The following ZBTB24 variants were observed in gnomAD, a reference collection of about 807,000 sequenced individuals.
The protein encoded by ZBTB24 is zinc finger and BTB domain-containing protein 24.
In ZBTB24, 32 loss-of-function variants were observed where a neutral mutation model predicts 53.8. The observed-to-expected ratio is 0.60, with a 90% CI of 0.45 to 0.80. The LOEUF is 0.80. Ranked by LOEUF, ZBTB24 falls within the 30% of genes least tolerant of loss-of-function variation. The pLI is 0.00. For missense variants in ZBTB24, 722 were observed against 837.1 expected (o/e 0.86, Z 1.70); for synonymous variants, 297 against 306.7 (o/e 0.97, Z 0.33).
In ZBTB24 at chr6:109,463,559, T is replaced by C. The variant is rs1775956479; in HGVS notation, c.*2292A>G. 1 of 152,160 alleles carries C rather than the reference T, an allele frequency of 6.6e-6. No homozygotes were observed. Among genetic ancestry groups the C allele is most frequent in the South Asian group, 2.1e-4 (1 of 4,836 alleles). 9.4% of individuals were successfully genotyped at this position (152,160 alleles called of 1,614,324 possible). A position where few individuals can be genotyped will look rare whatever the true frequency, so the allele number is the denominator to read the frequency against. On this transcript the variant is annotated 3_prime_UTR_variant, in exon 7 of 7. Coordinates refer to ENST00000230122, the MANE Select transcript of ZBTB24 (RefSeq NM_014797.3). ...AATTTAATATAAATTTTTAAACTGA[T>C]ACTTATTTCAATTCTTGAAAAAAAC... is the stretch of plus-strand genomic sequence containing the variant.
intron 1 of ZBTB24, among the ~76,000 whole-genome samples, chr6:109,482,823 G>C (rs1044952451): frequency 8.5e-5 from 13 of 152,236 alleles, no homozygotes; most frequent in Non-Finnish European, 1.9e-4. Context: ...CCAATGTGAA[G>C]AGTGAAGAAA....
At position 109,465,731 on chromosome 6, in the gene ZBTB24, C is replaced by A; in HGVS notation, c.*120G>T. ...CATTATAAACATCAGTTAGCCATCA[C>A]AGCTCTCACAGAAGCATCTGCAAGT... On this transcript the variant is annotated 3_prime_UTR_variant, in exon 7 of 7. Transcript: ENST00000230122. 6.2e-7 allele frequency: 1 copy of A among 1,610,200 alleles called. No homozygotes were observed. Among genetic ancestry groups the A allele is most frequent in the Non-Finnish European group, 8.5e-7 (1 of 1,179,764 alleles).
In ZBTB24 at chr6:109,464,579, G is replaced by A. The variant is rs144040163; in HGVS notation, c.*1272C>T. 26 of 152,284 alleles carry A rather than the reference G, an allele frequency of 1.7e-4. No homozygotes were observed. The highest frequency in any genetic ancestry group is 5.8e-4 in the African/African-American group (24 of 41,562). 9.4% of individuals were successfully genotyped at this position (152,284 alleles called of 1,614,324 possible). ...AAACATAATTTAATCTTTTGATGAT[G>A]ATTTAAAAATCATACAATTACAGAC... is the stretch of plus-strand genomic sequence containing the variant. On this transcript the variant is annotated 3_prime_UTR_variant, in exon 7 of 7. Coordinates refer to ENST00000230122, the MANE Select transcript of ZBTB24 (RefSeq NM_014797.3).
intron 5 of ZBTB24, among the ~76,000 whole-genome samples, chr6:109,475,042 T>TA (rs1776251520): frequency 3.3e-5 from 4 of 122,220 alleles, no homozygotes; most frequent in African/African-American, 9.6e-5. Flanking sequence ...GCCCTTATCT[T>TA]TAAAAAAAAA....
At chr6:109,470,659 C>T (rs1050213771) in intron 5 of ZBTB24, among the ~76,000 whole-genome samples, 2 of 152,218 alleles carry the variant, frequency 1.3e-5, no homozygotes, top group African/African-American at 4.8e-5. Flanking sequence ...GTGTGGACCC[C>T]TCAGCATCCT....
chr6:109,481,883 G>T lies in ZBTB24; in HGVS notation c.144C>A (p.Phe48Leu). The T allele has an allele frequency of 1.9e-6, 3 of 1,614,156 alleles. No homozygotes were observed. Among genetic ancestry groups the T allele is most frequent in the Non-Finnish European group, 2.5e-6 (3 of 1,180,026 alleles). The change falls in exon 2 of 7, where the codon TTC (phenylalanine) becomes TTA (leucine). Residue 48 changes from phenylalanine to leucine, a missense_variant. Physicochemically the swap from Phe to Leu is conservative, Grantham distance 22. Coordinates refer to ENST00000230122, the MANE Select transcript of ZBTB24 (RefSeq NM_014797.3). ...DITLIVENVH[F>L]RAHKALLAAS... ...CAGCAAGTAAGGCTTTGTGGGCCCG[G>T]AAATGTACATTCTCCACGATTAAAG...
At chr6:109,479,295 A>G (rs1340538737) in intron 2 of ZBTB24, among the ~76,000 whole-genome samples, 1 of 152,214 alleles carries the variant, frequency 6.6e-6, no homozygotes, top group Non-Finnish European at 1.5e-5. Flanking sequence ...CATACTGAAA[A>G]TATCATAAGG....
chr6:109,480,817 C>T lies in ZBTB24; in HGVS notation c.952+258G>A, dbSNP rs1776388919. 17 of 521,170 alleles carry T rather than the reference C, an allele frequency of 3.3e-5. No homozygotes were observed. The Admixed American group carries it at 8.9e-4, about 27-fold the overall frequency. 32.3% of individuals were successfully genotyped at this position (521,170 alleles called of 1,614,324 possible). A position where few individuals can be genotyped will look rare whatever the true frequency, so the allele number is the denominator to read the frequency against. On this transcript the variant is annotated intron_variant, in intron 2 of 6. Coordinates refer to ENST00000230122, the MANE Select transcript of ZBTB24 (RefSeq NM_014797.3). ...GGCAAGTTATTTAAGCTCCCTAGAA[C>T]TTGGTTGCTTCATCTGTAAACTATG...
Position 109,481,960 on chromosome 6 carries a change from C to T in ZBTB24, c.67G>A (p.Val23Met), listed in dbSNP as rs776815983. Residue 23 changes from valine (V) to methionine (M), a missense_variant, in exon 2 of 7, where the codon GTG becomes ATG. Coordinates refer to ENST00000230122, the MANE Select transcript of ZBTB24 (RefSeq NM_014797.3). ...VVHSDAHSDTVLASFEDQRKK... is the reference protein window; with the variant it reads ...VVHSDAHSDTMLASFEDQRKK... ...CTCTGATCCTCAAAACTGGCCAGCA[C>T]AGTGTCACTGTGAGCGTCTGAGTGT... The T allele has an allele frequency of 1.2e-6, 2 of 1,614,242 alleles. No individual in the cohort carries two copies. The highest frequency in any genetic ancestry group is 1.7e-6 in the Non-Finnish European group (2 of 1,180,042).
chr6:109,476,923 T>C lies in ZBTB24; in HGVS notation c.960A>G (p.Arg320=). Residue 320 remains arginine (R), a synonymous_variant, in exon 3 of 7, where the codon CGA becomes CGG. Coordinates refer to ENST00000230122, the MANE Select transcript of ZBTB24 (RefSeq NM_014797.3). The part of the protein sequence containing the change: ...AIHQRSHTGE[R]PFKCNECGKG... ...TTCCACACTCATTACATTTGAAAGG[T>C]CGCTCCCCTGGAAGAAGAGCCCCAG... 6.2e-7 allele frequency: 1 copy of C among 1,613,952 alleles called. No individual in the cohort carries two copies. Among genetic ancestry groups the C allele is most frequent in the Non-Finnish European group, 8.5e-7 (1 of 1,180,004 alleles).
At position 109,465,976 on chromosome 6, in the gene ZBTB24, CCT is replaced by C. The variant is rs1474875967; in HGVS notation, c.1967_1968del (p.Glu656GlyfsTer48). On this transcript the variant is annotated frameshift_variant, in exon 7 of 7. Transcript: ENST00000230122. LOFTEE classifies it low-confidence loss of function (END_TRUNC). ...EHLHAHQEQT[E>X]ELHLATSTSD... ...GAAGTACTTGTAGCTAAATGGAGCT[CCT>C]CTGTTTGCTCTTGATGGGCATGAAG... 2.5e-6 allele frequency: 4 copies of C among 1,614,156 alleles called. No homozygotes were observed. The highest frequency in any genetic ancestry group is 3.4e-6 in the Non-Finnish European group (4 of 1,180,046).
intron 1 of ZBTB24, among the ~76,000 whole-genome samples, 180 bp downstream of exon 1, chr6:109,482,918 C>G (rs1387298713): frequency 6.6e-6 from 1 of 152,230 alleles, no homozygotes; most frequent in African/African-American, 2.4e-5. Context: ...ACACTAGGGG[C>G]GGCGCGGAGC....
Position 109,463,909 on chromosome 6 carries a change from G to C in ZBTB24, c.*1942C>G, listed in dbSNP as rs550766194. 3 of 152,286 alleles carry C rather than the reference G, an allele frequency of 2.0e-5. No homozygotes were observed. The highest frequency in any genetic ancestry group is 4.1e-4 in the South Asian group (2 of 4,826). The allele number at this position is 152,286 out of a possible 1,614,324, so 9.4% of individuals were successfully genotyped here. ...TGTTGTTCATGTTATAGTTCTCTTA[G>C]TGTAGAGGTAGACTGTTATAGAGCC... is the stretch of plus-strand genomic sequence containing the variant. On this transcript the variant is annotated 3_prime_UTR_variant, in exon 7 of 7. Coordinates refer to ENST00000230122, the MANE Select transcript of ZBTB24 (RefSeq NM_014797.3).
At chr6:109,467,142 T>C (rs968897318) in intron 6 of ZBTB24, among the ~76,000 whole-genome samples, 3 of 152,254 alleles carry the variant, frequency 2.0e-5, no homozygotes, top group East Asian at 3.8e-4. Context: ...AATCAAAATT[T>C]AATAAATGAA....
rs1776288924 is a variant in ZBTB24, at chr6:109,476,881, C to T, written c.1002G>A (p.Lys334=). The T allele has an allele frequency of 6.2e-7, 1 of 1,614,026 alleles. No homozygotes were observed. Among genetic ancestry groups the T allele is most frequent in the African/African-American group, 1.3e-5 (1 of 74,930 alleles). The part of the protein sequence containing the change: ...CNECGKGFAQ[K]HSLQVHTRMH... ...TCCTGGTGTGGACCTGTAGCGAGTG[C>T]TTCTGGGCAAAGCCTTTTCCACACT... Residue 334 remains lysine (K), a synonymous_variant, in exon 3 of 7, where the codon AAG becomes AAA. Transcript: ENST00000230122.
intron 3 of ZBTB24, 125 bp downstream of exon 3, chr6:109,476,638 C>T (rs1776283349): frequency 4.4e-6 from 6 of 1,355,436 alleles, no homozygotes; most frequent in Non-Finnish European, 6.1e-6. Context: ...ATGCAAAATC[C>T]TGTCTTTCAA....
At chr6:109,466,842 T>C (rs1393674122) in intron 6 of ZBTB24, among the ~76,000 whole-genome samples, 1 of 152,164 alleles carries the variant, frequency 6.6e-6, no homozygotes, top group Non-Finnish European at 1.5e-5. Context: ...CCACAGTATG[T>C]ATTTCAGATA....
At chr6:109,482,447 C>T (rs1306907197) in intron 1 of ZBTB24, among the ~76,000 whole-genome samples, 1 of 151,344 alleles carries the variant, frequency 6.6e-6, no homozygotes, top group East Asian at 2.0e-4. Context: ...GCCTGGGCGA[C>T]AGAACGAGAC....
intron 5 of ZBTB24, among the ~76,000 whole-genome samples, chr6:109,473,363 C>T (rs923679553): frequency 6.6e-6 from 1 of 152,106 alleles, no homozygotes; most frequent in African/African-American, 2.4e-5. Flanking sequence ...ACATTTATTC[C>T]TGCCTGAGGG....
Sources: gnomAD v4.1 joint callset for allele counts (sites outside exome capture counted in the v4.1 genomes callset) on GRCh38, gnomAD v4.1.1 for gene constraint, MANE v1.5 for transcripts, NCBI Gene and HGNC (gene_info 2026-07-23, HGNC 2026-07-21) for gene names.